Variants in CALN1 observed in about 807,000 individuals in gnomAD.
CALN1 encodes calcium-binding protein 8.
A neutral mutation model predicts 30.6 loss-of-function variants in CALN1; 17 were observed. The ratio of observed to expected loss-of-function variants is 0.56; its 90% CI spans 0.38 to 0.83. The LOEUF (loss-of-function observed/expected upper bound fraction) is 0.83. CALN1 is among the 40% of genes least tolerant of loss of function. The pLI is 0.00. For missense variants in CALN1, 291 were observed against 354.9 expected (o/e 0.82, Z 1.45); for synonymous variants, 156 against 131.4 (o/e 1.19, Z -1.28).
intron 6 of CALN1, among the ~76,000 whole-genome samples, chr7:71,799,322 T>C (rs1216213762): frequency 2.6e-5 from 4 of 152,106 alleles, no homozygotes; most frequent in Non-Finnish European, 5.9e-5. Flanking sequence ...GAGGGCATGC[T>C]GGGGAAGGAT....
chr7:71,851,247 A>ACAT (rs1554354866), intron 5 of CALN1, among the ~76,000 whole-genome samples: 1 of 150,324 alleles, frequency 6.7e-6, no homozygotes, highest in Non-Finnish European at 1.5e-5. Context: ...ACACACACAC[A>ACAT]CACACATCAC....
At chr7:72,488,080 C>T in the CALN1 span, among the ~76,000 whole-genome samples, 10 of 151,702 alleles carry the variant, frequency 6.6e-5, no homozygotes, top group Admixed American at 2.0e-4. Flanking sequence ...ACCTATGATC[C>T]CAACACTTTG....
intron 2 of CALN1, among the ~76,000 whole-genome samples, chr7:72,287,904 G>A (rs1798200434): frequency 6.6e-6 from 1 of 152,020 alleles, no homozygotes; most frequent in African/African-American, 2.4e-5. Flanking sequence ...CCTGGTTATT[G>A]AGTATGCGAA....
chr7:72,478,516 A>G, the CALN1 span, among the ~76,000 whole-genome samples: 20 of 151,836 alleles, frequency 1.3e-4, no homozygotes, highest in Non-Finnish European at 2.8e-4. Flanking sequence ...GTAAGCTATG[A>G]TCACACCACT....
Position 71,801,336 on chromosome 7 carries a change from C to T in CALN1, c.658+9000G>A, listed in dbSNP as rs189087880. On this transcript the variant is annotated intron_variant, in intron 6 of 6. Transcript: ENST00000395275. ...CAAGTGATCCTCCCACCTGAGCCTC[C>T]TGAGTAGCTGGGACTACAGGTGCCT... 9.2e-5 allele frequency among the ~76,000 whole-genome samples: 14 copies of T among 152,172 alleles called. No homozygotes were observed. The East Asian group carries it at 9.6e-4, about 10-fold the overall frequency.
intron 2 of CALN1, among the ~76,000 whole-genome samples, chr7:72,305,128 G>C (rs1799563474): frequency 2.0e-5 from 3 of 152,166 alleles, no homozygotes; most frequent in Non-Finnish European, 4.4e-5. Context: ...AGCTGGCTGT[G>C]TCAGCCAGGA....
At chr7:71,847,837 G>C (rs1790400488) in intron 5 of CALN1, among the ~76,000 whole-genome samples, 1 of 109,440 alleles carries the variant, frequency 9.1e-6, no homozygotes, top group South Asian at 3.5e-4. Flanking sequence ...AGGAGAAGGA[G>C]AAGGAGAAGG....
chr7:72,418,669 A>T (rs1257795802), intron 1 of CALN1, among the ~76,000 whole-genome samples: 1 of 151,656 alleles, frequency 6.6e-6, no homozygotes, highest in East Asian at 1.9e-4. Flanking sequence ...TTCCACAGAG[A>T]TTCTTAGTCT....
At chr7:72,128,993 C>T (rs1808958745) in intron 3 of CALN1, among the ~76,000 whole-genome samples, 1 of 152,116 alleles carries the variant, frequency 6.6e-6, no homozygotes, top group Non-Finnish European at 1.5e-5. Flanking sequence ...ATTTCCCTCA[C>T]ATTAAAAAAT....
intron 4 of CALN1, among the ~76,000 whole-genome samples, chr7:72,074,855 TG>T (rs1458132816): frequency 6.6e-6 from 1 of 152,202 alleles, no homozygotes; most frequent in Non-Finnish European, 1.5e-5. Context: ...GCTGGGAACC[TG>T]GGGAACCAAA....
At chr7:72,406,173 C>T (rs1449723134) in intron 1 of CALN1, among the ~76,000 whole-genome samples, 1 of 152,196 alleles carries the variant, frequency 6.6e-6, no homozygotes, top group Non-Finnish European at 1.5e-5. Context: ...CCAGAATTCC[C>T]CTCTCCCAGT....
intron 5 of CALN1, among the ~76,000 whole-genome samples, chr7:71,815,242 G>A (rs748754666): frequency 1.1e-4 from 16 of 152,120 alleles, no homozygotes; most frequent in Non-Finnish European, 2.4e-4. Flanking sequence ...TTGACTGCAC[G>A]TGGGTCAGTG....
intron 3 of CALN1, among the ~76,000 whole-genome samples, chr7:72,260,353 T>A (rs1796183392): frequency 6.6e-6 from 1 of 152,164 alleles, no homozygotes; most frequent in African/African-American, 2.4e-5. Context: ...TGACAAAACT[T>A]ACAGATCTGT....
intron 3 of CALN1, among the ~76,000 whole-genome samples, chr7:72,209,358 CTCTT>C (rs1165998522): frequency 2.4e-4 from 8 of 32,882 alleles, no homozygotes; most frequent in Non-Finnish European, 3.4e-4. Context: ...CCCTCCTTCC[CTCTT>C]TCCTTCCCTC....
chr7:71,971,223 C>G (rs1406676023), intron 5 of CALN1, among the ~76,000 whole-genome samples: 4 of 152,038 alleles, frequency 2.6e-5, no homozygotes, highest in Non-Finnish European at 4.4e-5. Context: ...CCAAGGCGGG[C>G]AAATCACCTG....
At chr7:72,343,373 T>A (rs1042431181) in intron 2 of CALN1, among the ~76,000 whole-genome samples, 12 of 151,828 alleles carry the variant, frequency 7.9e-5, no homozygotes, top group African/African-American at 1.9e-4. Flanking sequence ...ATGGTGAAAC[T>A]CTGTTTCTAC....
At chr7:71,922,614 GAATAT>G (rs1795011833) in intron 5 of CALN1, among the ~76,000 whole-genome samples, 1 of 129,216 alleles carries the variant, frequency 7.7e-6, no homozygotes, top group African/African-American at 3.0e-5. Context: ...ATAACACACA[GAATAT>G]ATTATATATA....
At chr7:71,920,223 C>T (rs1794869865) in intron 5 of CALN1, among the ~76,000 whole-genome samples, 1 of 151,976 alleles carries the variant, frequency 6.6e-6, no homozygotes, top group Non-Finnish European at 1.5e-5. Flanking sequence ...TGCACCTGTA[C>T]TGGCCTGTAA....
At chr7:72,074,992 T>C (rs1210748444) in intron 4 of CALN1, among the ~76,000 whole-genome samples, 1 of 152,240 alleles carries the variant, frequency 6.6e-6, no homozygotes, top group East Asian at 1.9e-4. Context: ...GCATTACTTC[T>C]AGCCACATTG....
Sources: allele counts gnomAD v4.1 joint callset (sites outside exome capture counted in the v4.1 genomes callset), GRCh38; gene constraint gnomAD v4.1.1; transcripts MANE v1.5; gene names NCBI Gene and HGNC (gene_info 2026-07-23, HGNC 2026-07-21).